PRKD3: variants seen among roughly 807,000 people sequenced by gnomAD.
PRKD3 encodes the protein protein kinase D3.
A neutral mutation model predicts 99.2 loss-of-function variants in PRKD3; 47 were observed. The observed-to-expected ratio is 0.47, with a 90% CI of 0.38 to 0.60. The LOEUF (loss-of-function observed/expected upper bound fraction) is 0.60. PRKD3 is among the 20% of genes least tolerant of loss of function. The probability of loss-of-function intolerance (pLI) is 0.00; values close to 1 mark genes in which losing one functional copy is unlikely to be tolerated. For missense variants in PRKD3, 1,019 were observed against 1,088.4 expected, an observed-to-expected ratio of 0.94 and a Z score of 0.90; for synonymous variants, 392 against 355.4, an observed-to-expected ratio of 1.10 and a Z score of -1.16.
At chr2:37,279,702 T>C (rs541244319) in intron 8 of PRKD3, 44 bp downstream of exon 8, 3 of 1,506,272 alleles carry the variant, frequency 2.0e-6, no homozygotes, top group Non-Finnish European at 2.7e-6. Context: ...GATCCTGAAC[T>C]GACCTTGCAT....
intron 2 of PRKD3, among the ~76,000 whole-genome samples, chr2:37,312,961 T>A (rs765540320): frequency 6.6e-6 from 1 of 152,124 alleles, no homozygotes; most frequent in Non-Finnish European, 1.5e-5. Flanking sequence ...ATAACAATAA[T>A]TGACTGCATG....
chr2:37,319,020 G>A (rs1379123560), intron 1 of PRKD3, among the ~76,000 whole-genome samples: 2 of 152,006 alleles, frequency 1.3e-5, no homozygotes, highest in Non-Finnish European at 2.9e-5. Flanking sequence ...CTTCTTAGCT[G>A]GAAAAAAATA....
chr2:37,256,587 T>C, intron 17 of PRKD3, 75 bp downstream of exon 17: 3 of 1,412,154 alleles, frequency 2.1e-6, no homozygotes, highest in Non-Finnish European at 2.8e-6. Context: ...CAGACTGATT[T>C]GGGATGAGAA....
At chr2:37,323,034 T>C (rs748447526) in intron 1 of PRKD3, among the ~76,000 whole-genome samples, 3 of 151,968 alleles carry the variant, frequency 2.0e-5, no homozygotes, top group Non-Finnish European at 4.4e-5. Context: ...CACCTATTCA[T>C]ATTTTTCTGT....
intron 1 of PRKD3, 43 bp downstream of exon 1, chr2:37,324,638 C>A (rs1672044063): frequency 6.7e-6 from 1 of 149,436 alleles, no homozygotes; most frequent in African/African-American, 2.4e-5. Context: ...GCGGCGCGAA[C>A]TTTTTCGGTG....
rs751820548 is a variant in PRKD3 at position 37,279,516 on chromosome 2, AAAACG to A, written c.1172+225_1172+229del. ...ATTTTTCTTTAAGAACAAAAAACAA[AAAACG>A]AAAAAAAAAAAACAAGGATTCTCAT... On this transcript the variant is annotated intron_variant, in intron 8 of 18. Transcript: ENST00000234179. The A allele has an allele frequency of 3.0e-3, 788 of 263,252 alleles. 3 individuals are homozygous for A. In the East Asian group the frequency reaches 0.031, roughly 10 times the overall value. The allele number at this position is 263,252 out of a possible 1,614,324, so 16.3% of individuals were successfully genotyped here. A position where few individuals can be genotyped will look rare whatever the true frequency, so the allele number is the denominator to read the frequency against.
rs188455266 is a variant in PRKD3 at position 37,267,867 on chromosome 2, C to G, written c.1778-331G>C. 2.9e-4 allele frequency: 70 copies of G among 242,216 alleles called. 1 individual carries two copies. The highest frequency in any genetic ancestry group is 1.5e-3 in the African/African-American group (66 of 42,926). 15.0% of individuals were successfully genotyped at this position (242,216 alleles called of 1,614,324 possible). ...CAGAGACTCTGTCAAGATGGAAATACTGTATGAATGAATCAATTTTATTCT... is the reference window on the plus strand; with the variant it reads ...CAGAGACTCTGTCAAGATGGAAATAGTGTATGAATGAATCAATTTTATTCT... On this transcript the variant is annotated intron_variant, in intron 13 of 18. Coordinates refer to ENST00000234179, the MANE Select transcript of PRKD3 (RefSeq NM_005813.6).
chr2:37,316,654 T>C lies in PRKD3; in HGVS notation c.-130A>G. The C allele has an allele frequency of 6.9e-7, 1 of 1,458,286 alleles. No homozygotes were observed. The highest frequency in any genetic ancestry group is 9.0e-7 in the Non-Finnish European group (1 of 1,113,488). 90.3% of individuals were successfully genotyped at this position (1,458,286 alleles called of 1,614,324 possible). ...TAGTTGAAAACTTCTTTATTTCCTCTGTTAAGCCACTCATGCCGATACTTT... is the reference window on the plus strand; with the variant it reads ...TAGTTGAAAACTTCTTTATTTCCTCCGTTAAGCCACTCATGCCGATACTTT... On this transcript the variant is annotated 5_prime_UTR_variant, in exon 2 of 19. Transcript: ENST00000234179.
intron 13 of PRKD3, chr2:37,268,283 G>T (rs1449722960): frequency 2.1e-6 from 1 of 469,364 alleles, no homozygotes; most frequent in Non-Finnish European, 4.4e-6. Context: ...TGCATTTTTG[G>T]TAAGAAGCCA....
At chr2:37,253,410 T>G in intron 18 of PRKD3, 60 bp from the exon 19 acceptor site, 2 of 1,460,230 alleles carry the variant, frequency 1.4e-6, no homozygotes, top group Non-Finnish European at 1.8e-6. Flanking sequence ...TCAACCTGGT[T>G]TTTGTTTTGT....
At chr2:37,306,255 T>C (rs1671161699) in intron 2 of PRKD3, among the ~76,000 whole-genome samples, 1 of 152,196 alleles carries the variant, frequency 6.6e-6, no homozygotes, top group Admixed American at 6.5e-5. Context: ...AGGAAATTTC[T>C]GTTTGGCTCA....
At chr2:37,319,923 A>G (rs1456143663) in intron 1 of PRKD3, among the ~76,000 whole-genome samples, 1 of 152,216 alleles carries the variant, frequency 6.6e-6, no homozygotes, top group Non-Finnish European at 1.5e-5. Flanking sequence ...AATGAAGATG[A>G]GAGCACTTCT....
Position 37,256,652 on chromosome 2 carries a change from T to TCCC in PRKD3, c.2413+9_2413+10insGGG. 7.1e-7 allele frequency: 1 copy of TCCC among 1,406,460 alleles called. No individual in the cohort carries two copies. Among genetic ancestry groups the TCCC allele is most frequent in the Non-Finnish European group, 9.2e-7 (1 of 1,082,102 alleles). 87.1% of individuals were successfully genotyped at this position (1,406,460 alleles called of 1,614,324 possible). ...AATTTTTTTTTTTTTTTTTTTTTTT[T>TCCC]TTTTTTTACCTTCACCAGAAATTTC... On this transcript the variant is annotated intron_variant, in intron 17 of 18. Transcript: ENST00000234179.
chr2:37,316,461 C>A lies in PRKD3; in HGVS notation c.64G>T (p.Val22Leu). 2 of 1,614,244 alleles carry A rather than the reference C, an allele frequency of 1.2e-6. No individual in the cohort carries two copies. Among genetic ancestry groups the A allele is most frequent in the Non-Finnish European group, 1.7e-6 (2 of 1,180,048 alleles). The change falls in exon 2 of 19, where the codon GTG becomes TTG. Residue 22 changes from valine to leucine, a missense_variant. Val to Leu is a conservative substitution (Grantham distance 32, BLOSUM62 1). Around this residue, in one of 3 missense-constraint regions of PRKD3, gnomAD observed 710 missense variants for 692.7 expected, o/e 1.02. Coordinates refer to ENST00000234179, the MANE Select transcript of PRKD3 (RefSeq NM_005813.6). Reference protein sequence around the residue: ...KSVLPTAIPAVLPAASPCSSP... With the variant: ...KSVLPTAIPALLPAASPCSSP... ...GAACACGGAGAAGCAGCTGGAAGCACAGCAGGAATAGCTGTGGGTAATACA... is the reference window on the plus strand; with the variant it reads ...GAACACGGAGAAGCAGCTGGAAGCAAAGCAGGAATAGCTGTGGGTAATACA...
intron 1 of PRKD3, among the ~76,000 whole-genome samples, chr2:37,322,648 C>T (rs978206349): frequency 2.6e-5 from 4 of 152,216 alleles, no homozygotes; most frequent in African/African-American, 7.2e-5. Context: ...TTCTCACATA[C>T]TGCCACAATA....
At chr2:37,315,716 T>C (rs1370424355) in intron 2 of PRKD3, among the ~76,000 whole-genome samples, 1 of 152,174 alleles carries the variant, frequency 6.6e-6, no homozygotes, top group Non-Finnish European at 1.5e-5. Flanking sequence ...CTAAAATAAA[T>C]GCATTTTATT....
At chr2:37,263,074 GCTTT>G (rs1285056052) in intron 14 of PRKD3, among the ~76,000 whole-genome samples, 1 of 151,726 alleles carries the variant, frequency 6.6e-6, no homozygotes, top group Non-Finnish European at 1.5e-5. Flanking sequence ...ATTCCTTTCT[GCTTT>G]CTTTAGGTTT....
Position 37,290,970 on chromosome 2 carries a change from G to A in PRKD3, c.457C>T (p.Arg153Cys). ...GAATGTACATAGAGAGTATGTGGAC[G>A]AATCTGGAAGTCTTCTACTGTGGCT... ...ALATVEDFQI[R>C]PHTLYVHSYK... The change falls in exon 4 of 19, where the codon CGT (arginine) becomes TGT (cysteine). Residue 153 changes from arginine (R) to cysteine (C), a missense_variant. Coordinates refer to ENST00000234179, the MANE Select transcript of PRKD3 (RefSeq NM_005813.6). 1.9e-6 allele frequency: 3 copies of A among 1,608,038 alleles called. No individual in the cohort carries two copies. The highest frequency in any genetic ancestry group is 1.7e-4 in the Middle Eastern group (1 of 6,040).
At chr2:37,262,435 T>C (rs1382064615) in intron 14 of PRKD3, among the ~76,000 whole-genome samples, 1 of 152,162 alleles carries the variant, frequency 6.6e-6, no homozygotes, top group Non-Finnish European at 1.5e-5. Flanking sequence ...GAAAGTGAAA[T>C]AACAACAAAT....
Sources: allele counts gnomAD v4.1 joint callset (sites outside exome capture counted in the v4.1 genomes callset), GRCh38; gene constraint gnomAD v4.1.1; regional missense constraint gnomAD v4.1.1; transcripts MANE v1.5; gene names NCBI Gene and HGNC (gene_info 2026-07-23, HGNC 2026-07-21).